Variants in LINGO2 observed in about 807,000 individuals in gnomAD.
The protein encoded by LINGO2 is leucine rich repeat and Ig domain containing 2, also known as leucine-rich repeat and immunoglobulin-like domain-containing nogo receptor-interacting protein 2.
A neutral mutation model predicts 30.6 loss-of-function variants in LINGO2; 14 were observed. That is an observed-to-expected ratio of 0.46 (90% CI 0.30 to 0.72). LINGO2 has a LOEUF of 0.72. LINGO2 is among the 30% of genes least tolerant of loss of function. The probability of loss-of-function intolerance (pLI) is 0.07; values close to 1 mark genes in which losing one functional copy is unlikely to be tolerated. For synonymous variants in LINGO2, 317 were observed against 288.5 expected, an observed-to-expected ratio of 1.10 and a Z score of -1.00; for missense variants, 729 against 751.7, an observed-to-expected ratio of 0.97 and a Z score of 0.35.
intron 4 of LINGO2, among the ~76,000 whole-genome samples, chr9:28,253,925 C>A (rs748978466): frequency 3.9e-5 from 6 of 152,142 alleles, no homozygotes; most frequent in Non-Finnish European, 8.8e-5. Flanking sequence ...GGCCCTTCCT[C>A]TTCCTGGGTG....
chr9:28,782,865 C>A, the LINGO2 span, among the ~76,000 whole-genome samples: 2 of 152,162 alleles, frequency 1.3e-5, no homozygotes, highest in African/African-American at 2.4e-5. Context: ...GCAGAGCACA[C>A]TTACACAAAC....
intron 4 of LINGO2, among the ~76,000 whole-genome samples, chr9:28,030,563 A>T (rs868304574): frequency 6.6e-6 from 1 of 152,182 alleles, no homozygotes; most frequent in Non-Finnish European, 1.5e-5. Flanking sequence ...GGGAAATAAT[A>T]AGTGTTGGCT....
chr9:28,594,513 A>G (rs113594410), intron 1 of LINGO2, among the ~76,000 whole-genome samples: 193 of 152,188 alleles, frequency 1.3e-3, no homozygotes, highest in Admixed American at 6.4e-3. Context: ...CTTTTCATTT[A>G]CGCTTGCACT....
chr9:28,747,166 G>A, the LINGO2 span, among the ~76,000 whole-genome samples: 1 of 151,928 alleles, frequency 6.6e-6, no homozygotes, highest in African/African-American at 2.4e-5. Flanking sequence ...AGAAGGAGAG[G>A]AGGAGATGAA....
the LINGO2 span, among the ~76,000 whole-genome samples, chr9:28,828,016 A>C: frequency 1.3e-5 from 2 of 152,094 alleles, no homozygotes; most frequent in East Asian, 3.9e-4. Context: ...ACCAAAACAT[A>C]ATCATAATGG....
the LINGO2 span, among the ~76,000 whole-genome samples, chr9:29,001,633 G>A: frequency 2.0e-5 from 3 of 151,782 alleles, no homozygotes; most frequent in Non-Finnish European, 2.9e-5. Context: ...ATATTAGTTT[G>A]GTGCAAAAGT....
At chr9:28,195,723 C>G (rs969479471) in intron 4 of LINGO2, among the ~76,000 whole-genome samples, 1 of 151,230 alleles carries the variant, frequency 6.6e-6, no homozygotes, top group Non-Finnish European at 1.5e-5. Context: ...ATAAGTAAAT[C>G]TCCTATTTAT....
the LINGO2 span, among the ~76,000 whole-genome samples, chr9:29,023,478 T>C: frequency 6.2e-4 from 94 of 152,238 alleles, no homozygotes; most frequent in Non-Finnish European, 6.8e-4. Context: ...GCTGTAGTCA[T>C]TGAATCTAGT....
the LINGO2 span, among the ~76,000 whole-genome samples, chr9:28,884,977 T>TA: frequency 1.7e-4 from 2 of 11,806 alleles, no homozygotes; most frequent in African/African-American, 5.6e-4. Flanking sequence ...ATATAATATA[T>TA]ATAATATATA....
the LINGO2 span, among the ~76,000 whole-genome samples, chr9:28,794,021 C>T: frequency 6.6e-6 from 1 of 152,168 alleles, no homozygotes; most frequent in African/African-American, 2.4e-5. Flanking sequence ...ACAAACAAAA[C>T]ATGACTGAGG....
chr9:28,453,695 A>C (rs1289276020), intron 2 of LINGO2, among the ~76,000 whole-genome samples: 1 of 151,984 alleles, frequency 6.6e-6, no homozygotes, highest in Non-Finnish European at 1.5e-5. Context: ...TAATACTAGA[A>C]TATAAATGTA....
intron 1 of LINGO2, among the ~76,000 whole-genome samples, chr9:28,614,121 C>G (rs1239039811): frequency 6.6e-6 from 1 of 151,956 alleles, no homozygotes; most frequent in Admixed American, 6.6e-5. Flanking sequence ...CAAATTTGGT[C>G]AAAGAAACTG....
the LINGO2 span, among the ~76,000 whole-genome samples, chr9:29,083,718 T>G: frequency 1.3e-5 from 2 of 152,168 alleles, 1 homozygote; most frequent in South Asian, 4.1e-4. Context: ...AAAAATGCAT[T>G]GAAGTCCTTT....
At chr9:28,940,887 A>G in the LINGO2 span, among the ~76,000 whole-genome samples, 1 of 152,084 alleles carries the variant, frequency 6.6e-6, no homozygotes, top group Non-Finnish European at 1.5e-5. Flanking sequence ...GAGTCTAGAG[A>G]GTTATGCAAT....
chr9:28,118,221 T>C (rs1826991330), intron 4 of LINGO2, among the ~76,000 whole-genome samples: 1 of 152,222 alleles, frequency 6.6e-6, no homozygotes, highest in African/African-American at 2.4e-5. Flanking sequence ...ATCCTGCACA[T>C]GGACCCCCAA....
chr9:28,037,776 C>T (rs1037449322), intron 4 of LINGO2, among the ~76,000 whole-genome samples: 6 of 152,186 alleles, frequency 3.9e-5, no homozygotes, highest in Admixed American at 3.9e-4. Flanking sequence ...ATGTGGTTGC[C>T]TTTAGTTCTA....
chr9:28,371,484 C>A (rs1820893876), intron 3 of LINGO2, among the ~76,000 whole-genome samples: 1 of 152,142 alleles, frequency 6.6e-6, no homozygotes, highest in South Asian at 2.1e-4. Flanking sequence ...TCCCTTGGGC[C>A]TCTTTTATAA....
the LINGO2 span, among the ~76,000 whole-genome samples, chr9:29,006,681 C>T: frequency 6.6e-6 from 1 of 152,030 alleles, no homozygotes; most frequent in Admixed American, 6.6e-5. Context: ...TGGACCTTAA[C>T]TGAGTAAACA....
At chr9:28,152,333 C>A (rs1280258869) in intron 4 of LINGO2, among the ~76,000 whole-genome samples, 1 of 152,090 alleles carries the variant, frequency 6.6e-6, no homozygotes, top group East Asian at 1.9e-4. Flanking sequence ...TTCTTTCTCG[C>A]CATGTGACCT....
Sources: gnomAD v4.1 joint callset for allele counts (sites outside exome capture counted in the v4.1 genomes callset) on GRCh38, gnomAD v4.1.1 for gene constraint, MANE v1.5 for transcripts, NCBI Gene and HGNC (gene_info 2026-07-23, HGNC 2026-07-21) for gene names.